The following SLC4A1AP variants were observed in gnomAD, a reference collection of about 807,000 sequenced individuals.
SLC4A1AP encodes kanadaptin.
Under a neutral mutation model 89.7 loss-of-function variants are expected in SLC4A1AP, and 64 were observed. The observed-to-expected ratio is 0.71, with a 90% CI of 0.58 to 0.88. The LOEUF is 0.88. SLC4A1AP is among the 40% of genes least tolerant of loss of function. The pLI is 0.00. For missense variants in SLC4A1AP, 931 were observed against 965.0 expected, an observed-to-expected ratio of 0.96 and a Z score of 0.47; for synonymous variants, 366 against 353.3, an observed-to-expected ratio of 1.04 and a Z score of -0.40.
chr2:27,666,927 G>C (rs1675339064), intron 2 of SLC4A1AP, among the ~76,000 whole-genome samples: 1 of 151,542 alleles, frequency 6.6e-6, no homozygotes, highest in Non-Finnish European at 1.5e-5. Context: ...AGTGCAGGTA[G>C]CGCGATCTTG....
At chr2:27,685,681 A>G (rs1675693465) in intron 10 of SLC4A1AP, among the ~76,000 whole-genome samples, 1 of 152,158 alleles carries the variant, frequency 6.6e-6, no homozygotes, top group South Asian at 2.1e-4. Context: ...ACAGAGGCCA[A>G]ACCATAATTG....
At chr2:27,683,445 C>T (rs928367397) in intron 9 of SLC4A1AP, among the ~76,000 whole-genome samples, 2 of 152,174 alleles carry the variant, frequency 1.3e-5, no homozygotes, top group Admixed American at 1.3e-4. Context: ...GGCCTCTCTG[C>T]TTACCAATGG....
chr2:27,684,391 G>A (rs914680186), intron 9 of SLC4A1AP, among the ~76,000 whole-genome samples: 1 of 147,810 alleles, frequency 6.8e-6, no homozygotes, highest in Non-Finnish European at 1.5e-5. Flanking sequence ...TCGCACCACT[G>A]CACTCCAGCT....
exon 1 of SLC4A1AP, chr2:27,663,939 G>A (rs1371991210): frequency 6.2e-7 from 1 of 1,614,202 alleles, no homozygotes; most frequent in East Asian, 2.2e-5. Flanking sequence ...CTCTCAGTCA[G>A]AGACCCTGGC....
intron 5 of SLC4A1AP, among the ~76,000 whole-genome samples, chr2:27,673,302 TTCTC>T (rs10659481): frequency 0.029 from 4,302 of 148,774 alleles, 69 homozygotes; most frequent in Non-Finnish European, 0.04. Flanking sequence ...ATGAATTTCT[TTCTC>T]TCTCTCTCTC....
At chr2:27,691,808 T>C (rs1396868599) in intron 12 of SLC4A1AP, 1 of 152,226 alleles carries the variant, frequency 6.6e-6, no homozygotes, top group Non-Finnish European at 1.5e-5. Context: ...CAGGCTCGTC[T>C]TGAACTCCTG....
At chr2:27,675,720 G>C in intron 6 of SLC4A1AP, 28 bp downstream of exon 6, 1 of 1,472,960 alleles carries the variant, frequency 6.8e-7, no homozygotes, top group South Asian at 1.5e-5. Flanking sequence ...AAGTAGCTGT[G>C]GTATTTAATA....
intron 5 of SLC4A1AP, among the ~76,000 whole-genome samples, chr2:27,673,528 A>T (rs943464308): frequency 6.8e-6 from 1 of 148,008 alleles, no homozygotes; most frequent in Non-Finnish European, 1.5e-5. Context: ...CAGTGGTCTG[A>T]TCACAGCTCA....
chr2:27,674,543 A>G (rs1446120394), intron 5 of SLC4A1AP, among the ~76,000 whole-genome samples: 2 of 152,086 alleles, frequency 1.3e-5, no homozygotes, highest in Non-Finnish European at 2.9e-5. Flanking sequence ...TTCTAGTCTA[A>G]TAGATGAGAA....
chr2:27,684,536 T>A (rs961363114), intron 9 of SLC4A1AP, among the ~76,000 whole-genome samples: 1 of 152,240 alleles, frequency 6.6e-6, no homozygotes, highest in African/African-American at 2.4e-5. Context: ...TGGCTTTGAT[T>A]AGAATATTTA....
intron 5 of SLC4A1AP, among the ~76,000 whole-genome samples, chr2:27,673,983 A>G (rs1675472260): frequency 6.8e-6 from 1 of 147,498 alleles, no homozygotes; most frequent in Admixed American, 7.0e-5. Flanking sequence ...ACCAGGACAT[A>G]TACAAGTTGT....
chr2:27,678,542 AT>A (rs1031062602), intron 8 of SLC4A1AP, among the ~76,000 whole-genome samples: 3 of 151,508 alleles, frequency 2.0e-5, no homozygotes, highest in Non-Finnish European at 2.9e-5. Context: ...CAAAAAAAAA[AT>A]TAAATTATTA....
At chr2:27,687,831 G>A (rs1333483035) in intron 10 of SLC4A1AP, 103 bp from the exon 11 acceptor site, 1 of 746,536 alleles carries the variant, frequency 1.3e-6, no homozygotes, top group Non-Finnish European at 2.2e-6. Context: ...AAAACTGGAT[G>A]ATTATGTACT....
intron 6 of SLC4A1AP, among the ~76,000 whole-genome samples, chr2:27,676,547 C>T (rs189631729): frequency 1.3e-5 from 2 of 152,124 alleles, no homozygotes; most frequent in African/African-American, 4.8e-5. Context: ...CCTGGCTGGG[C>T]ATGGTGGCTC....
At chr2:27,666,944 T>C (rs977429991) in intron 2 of SLC4A1AP, among the ~76,000 whole-genome samples, 2 of 151,824 alleles carry the variant, frequency 1.3e-5, no homozygotes, top group Non-Finnish European at 2.9e-5. Context: ...CTTGGCTCAC[T>C]ACAACTTCTT....
At chr2:27,676,005 GAAA>G (rs1198491066) in intron 6 of SLC4A1AP, among the ~76,000 whole-genome samples, 1 of 152,184 alleles carries the variant, frequency 6.6e-6, no homozygotes, top group East Asian at 1.9e-4. Flanking sequence ...GTTCTGAGGT[GAAA>G]TTGACTTTAG....
chr2:27,677,735 C>T lies in SLC4A1AP; in HGVS notation c.1577-3C>T. The stretch of plus-strand genomic sequence containing the variant: ...AAACATGTGTTATTCTTTTCTTGGA[C>T]AGTTCTATCAGAGTCTCCATCTCAG... On this transcript the variant is annotated splice_region_variant and splice_polypyrimidine_tract_variant and intron_variant, in intron 7 of 13. Coordinates refer to ENST00000613058, the Ensembl canonical transcript of SLC4A1AP. 1.9e-6 allele frequency: 3 copies of T among 1,579,444 alleles called. No homozygotes were observed. Among genetic ancestry groups the T allele is most frequent in the Non-Finnish European group, 2.6e-6 (3 of 1,168,022 alleles).
At chr2:27,669,384 G>A (rs1354314316) in exon 5 of SLC4A1AP, 2 of 1,608,460 alleles carry the variant, frequency 1.2e-6, no homozygotes, top group African/African-American at 1.3e-5. Context: ...TCGGCAGGAA[G>A]CAGGTCAGTA....
chr2:27,692,265 T>C (rs1675800238), intron 12 of SLC4A1AP: 1 of 152,236 alleles, frequency 6.6e-6, no homozygotes, highest in Non-Finnish European at 1.5e-5. Flanking sequence ...CCAAAAATCA[T>C]TTAGAAGCAG....
Sources: allele counts gnomAD v4.1 joint callset (sites outside exome capture counted in the v4.1 genomes callset), GRCh38; gene constraint gnomAD v4.1.1; transcripts MANE v1.5; gene names NCBI Gene and HGNC (gene_info 2026-07-23, HGNC 2026-07-21).